ST7L: variants seen among roughly 807,000 people sequenced by gnomAD.
ST7L encodes the protein suppressor of tumorigenicity 7 protein-like.
A neutral mutation model predicts 72.5 loss-of-function variants in ST7L; 57 were observed. That is an observed-to-expected ratio of 0.79 (90% confidence interval 0.64 to 0.98). The LOEUF (loss-of-function observed/expected upper bound fraction) is 0.98. ST7L is among the 50% of genes least tolerant of loss of function. The pLI is 0.00. For missense variants in ST7L, 576 were observed against 672.2 expected, an observed-to-expected ratio of 0.86 and a Z score of 1.58; for synonymous variants, 221 against 240.9, an observed-to-expected ratio of 0.92 and a Z score of 0.77.
chr1:112,579,110 C>T (rs926541037), intron 9 of ST7L, among the ~76,000 whole-genome samples: 6 of 152,144 alleles, frequency 3.9e-5, no homozygotes, highest in African/African-American at 7.2e-5. Context: ...TATGGACGGG[C>T]GTGGTGGCTC....
intron 3 of ST7L, among the ~76,000 whole-genome samples, chr1:112,606,769 TCTC>T (rs1668314687): frequency 6.6e-6 from 1 of 152,180 alleles, no homozygotes; most frequent in South Asian, 2.1e-4. Context: ...TGGTGAGGGC[TCTC>T]CTCCTGGCCT....
chr1:112,598,707 A>G (rs979329885), intron 4 of ST7L, among the ~76,000 whole-genome samples: 4 of 152,084 alleles, frequency 2.6e-5, no homozygotes, highest in Non-Finnish European at 4.4e-5. Flanking sequence ...TTATACTTTA[A>G]CATTAAGAGA....
intron 14 of ST7L, among the ~76,000 whole-genome samples, chr1:112,537,866 C>T (rs1414562597): frequency 6.6e-6 from 1 of 152,142 alleles, no homozygotes; most frequent in South Asian, 2.1e-4. Flanking sequence ...TCCACATAGC[C>T]GTATACCATG....
chr1:112,583,449 A>G (rs1664422672), intron 7 of ST7L, among the ~76,000 whole-genome samples: 1 of 152,200 alleles, frequency 6.6e-6, no homozygotes, highest in Non-Finnish European at 1.5e-5. Flanking sequence ...CAAGCACATC[A>G]TGGAGAAAAA....
chr1:112,532,976 T>G (rs1345122367), intron 14 of ST7L, among the ~76,000 whole-genome samples: 1 of 152,218 alleles, frequency 6.6e-6, no homozygotes, highest in Non-Finnish European at 1.5e-5. Flanking sequence ...GACCAAAAGT[T>G]TATTATGTTC....
In ST7L at chr1:112,550,655, G is replaced by C. The variant is rs1488597516; in HGVS notation, c.1435C>G (p.Leu479Val). Residue 479 changes from leucine to valine, a missense_variant, in exon 13 of 15, where the codon CTA (leucine) becomes GTA (valine). Around this residue, in one of 3 missense-constraint regions of ST7L, gnomAD observed 511 missense variants for 600.7 expected, o/e 0.85. Coordinates refer to ENST00000358039, the MANE Select transcript of ST7L (RefSeq NM_017744.5). ...GTGCAGCTGGGATAAGGGTAAAATA[G>C]ATGTCCTTTCTCTAACGGGTATGGA... ...MIPYPLEKGHLFYPYPSCTET... is the reference protein window; with the variant it reads ...MIPYPLEKGHVFYPYPSCTET... The C allele has an allele frequency of 6.2e-7, 1 of 1,613,296 alleles. No individual in the cohort carries two copies. Among genetic ancestry groups the C allele is most frequent in the Non-Finnish European group, 8.5e-7 (1 of 1,179,616 alleles).
At chr1:112,610,366 C>G (rs1295614698) in intron 3 of ST7L, 1 of 152,704 alleles carries the variant, frequency 6.5e-6, no homozygotes, top group Non-Finnish European at 1.5e-5. Flanking sequence ...GTTTTCCATA[C>G]TAGCCATGGA....
At chr1:112,577,352 A>C (rs1663277238) in intron 10 of ST7L, among the ~76,000 whole-genome samples, 1 of 151,538 alleles carries the variant, frequency 6.6e-6, no homozygotes, top group Non-Finnish European at 1.5e-5. Flanking sequence ...AACATGGAGA[A>C]ACCCCGTCTC....
chr1:112,577,033 C>T lies in ST7L; in HGVS notation c.1198G>A (p.Val400Met), dbSNP rs201867659. Residue 400 changes from valine to methionine, a missense_variant, in exon 11 of 15, where the codon GTG (valine) becomes ATG (methionine). Physicochemically the swap from Val to Met is conservative, Grantham distance 21. Coordinates refer to ENST00000358039, the MANE Select transcript of ST7L (RefSeq NM_017744.5). Reference sequence around the variant, plus strand: ...TCCACAGCTCTATGAATTGCTTCCACGGCATTAATTTCTGCTGTGCTTAAT... The same window carrying T: ...TCCACAGCTCTATGAATTGCTTCCATGGCATTAATTTCTGCTGTGCTTAAT... ...RGLSTAEINA[V>M]EAIHRAVEFN... 1.2e-5 allele frequency: 19 copies of T among 1,610,002 alleles called. No homozygotes were observed. The highest frequency in any genetic ancestry group is 5.0e-5 in the Admixed American group (3 of 59,876).
rs1172244052 is a variant in ST7L, at chr1:112,523,590, C to G, written c.*2423G>C. 6.6e-6 allele frequency: 1 copy of G among 152,148 alleles called. No homozygotes were observed. The highest frequency in any genetic ancestry group is 2.4e-5 in the African/African-American group (1 of 41,436). The allele number at this position is 152,148 out of a possible 1,614,324, so 9.4% of individuals were successfully genotyped here. A position where few individuals can be genotyped will look rare whatever the true frequency, so the allele number is the denominator to read the frequency against. On this transcript the variant is annotated 3_prime_UTR_variant, in exon 15 of 15. Transcript: ENST00000358039. Reference sequence around the variant, plus strand: ...TCCATTTAGTTCCCTCACTCTGCTTCTAATCACCCCTTCTCCCAGCCCTCT... The same window carrying G: ...TCCATTTAGTTCCCTCACTCTGCTTGTAATCACCCCTTCTCCCAGCCCTCT...
At chr1:112,560,456 GTAAAA>G (rs1659937365) in intron 11 of ST7L, among the ~76,000 whole-genome samples, 1 of 151,994 alleles carries the variant, frequency 6.6e-6, no homozygotes, top group Non-Finnish European at 1.5e-5. Flanking sequence ...TGATTAGACA[GTAAAA>G]TAAAAGTTGA....
At chr1:112,603,370 A>G (rs1261233423) in intron 3 of ST7L, among the ~76,000 whole-genome samples, 1 of 152,246 alleles carries the variant, frequency 6.6e-6, no homozygotes, top group Admixed American at 6.5e-5. Flanking sequence ...TTTTCACATA[A>G]CAGAGCATGC....
intron 14 of ST7L, chr1:112,528,862 C>A (rs1361804045): frequency 6.6e-6 from 1 of 152,112 alleles, no homozygotes; most frequent in African/African-American, 2.4e-5. Context: ...GACTGCAAAA[C>A]CAGCTCACTA....
upstream of ST7L, chr1:112,619,618 G>A (rs1670503303): frequency 3.6e-6 from 2 of 560,976 alleles, no homozygotes; most frequent in Admixed American, 3.3e-5. Context: ...GTAACTCATT[G>A]GGAAAGATAT....
intron 14 of ST7L, among the ~76,000 whole-genome samples, chr1:112,533,454 G>A (rs1171193421): frequency 1.3e-5 from 2 of 152,006 alleles, no homozygotes; most frequent in African/African-American, 2.4e-5. Flanking sequence ...AAGTAGCTGG[G>A]ACTACAGGCG....
At chr1:112,600,029 AC>A (rs1318252504) in intron 4 of ST7L, among the ~76,000 whole-genome samples, 2 of 151,948 alleles carry the variant, frequency 1.3e-5, no homozygotes, top group African/African-American at 4.8e-5. Context: ...ACATAGCAAG[AC>A]CCCTGTCTAC....
intron 11 of ST7L, among the ~76,000 whole-genome samples, 199 bp downstream of exon 11, chr1:112,576,787 T>C (rs144767046): frequency 6.6e-4 from 101 of 152,342 alleles, no homozygotes; most frequent in Non-Finnish European, 8.8e-4. Context: ...ACAAAGCATA[T>C]AGCTAACTAT....
At chr1:112,601,218 T>C (rs537235579) in intron 3 of ST7L, among the ~76,000 whole-genome samples, 1 of 152,296 alleles carries the variant, frequency 6.6e-6, no homozygotes, top group African/African-American at 2.4e-5. Context: ...GTCATGTAAA[T>C]GGCCTGAACT....
At chr1:112,540,244 C>G (rs1475549427) in intron 14 of ST7L, 3 of 985,288 alleles carry the variant, frequency 3.0e-6, no homozygotes, top group Non-Finnish European at 3.6e-6. Flanking sequence ...TGAGACAAAT[C>G]CAAGAATCAT....
Sources: gnomAD v4.1 joint callset for allele counts (sites outside exome capture counted in the v4.1 genomes callset) on GRCh38, gnomAD v4.1.1 for gene constraint, gnomAD v4.1.1 regional missense constraint, MANE v1.5 for transcripts, NCBI Gene and HGNC (gene_info 2026-07-23, HGNC 2026-07-21) for gene names.